Variants in CHN2 observed in about 807,000 individuals in gnomAD.
The protein encoded by CHN2 is beta-chimaerin.
A neutral mutation model predicts 56.3 loss-of-function variants in CHN2; 35 were observed. That is an observed-to-expected ratio of 0.62 (90% confidence interval 0.47 to 0.82). The LOEUF (loss-of-function observed/expected upper bound fraction) is 0.82. Ranked by LOEUF, CHN2 falls within the 40% of genes least tolerant of loss-of-function variation. CHN2 has a pLI of 0.00. For missense variants in CHN2, 491 were observed against 580.5 expected (o/e 0.85, Z 1.58); for synonymous variants, 210 against 212.8 (o/e 0.99, Z 0.12).
rs115329014 is a variant in CHN2, at chr7:29,241,712, C to T, written c.49+46722C>T. The stretch of plus-strand genomic sequence containing the variant: ...AGGGAGAGAGGGTAGGAGAGAGTGC[C>T]AGGTAGTAGGTCCTGAAGGAACTTG... On this transcript the variant is annotated intron_variant, in intron 1 of 12. Transcript: ENST00000222792. Among the ~76,000 whole-genome samples the T allele has an allele frequency of 6.7e-3, 1,019 of 152,026 alleles. 9 individuals carry two copies. Among genetic ancestry groups the T allele is most frequent in the African/African-American group, 0.022 (929 of 41,464 alleles).
chr7:29,252,578 G>GT lies in CHN2; in HGVS notation c.49+57616dup, dbSNP rs545289689. On this transcript the variant is annotated intron_variant, in intron 1 of 12. Transcript: ENST00000222792. The stretch of plus-strand genomic sequence containing the variant: ...CTGTTTGTCTAAAATTGCATTCTTT[G>GT]TTTTTTTTTTTTTTTTTTTTTTTTT... Among the ~76,000 whole-genome samples the GT allele has an allele frequency of 6.3e-3, 123 of 19,496 alleles. 45 individuals carry two copies. Among genetic ancestry groups the GT allele is most frequent in the African/African-American group, 8.0e-3 (26 of 3,248 alleles). The allele number at this position is 19,496 out of a possible 152,430, so 12.8% of individuals were successfully genotyped here.
At chr7:29,438,265 C>T (rs1028655255) in intron 6 of CHN2, among the ~76,000 whole-genome samples, 1 of 152,202 alleles carries the variant, frequency 6.6e-6, no homozygotes, top group African/African-American at 2.4e-5. Context: ...TTGAAATAAA[C>T]ACTATGCAGA....
intron 2 of CHN2, among the ~76,000 whole-genome samples, chr7:29,159,563 G>T (rs1292395659): frequency 6.6e-6 from 1 of 152,076 alleles, no homozygotes; most frequent in Non-Finnish European, 1.5e-5. Flanking sequence ...GTGATGAAAT[G>T]GGGTGGCTAA....
chr7:29,181,091 C>T (rs1798007809), intron 2 of CHN2, among the ~76,000 whole-genome samples: 1 of 152,148 alleles, frequency 6.6e-6, no homozygotes, highest in South Asian at 2.1e-4. Context: ...AATGGGAGGC[C>T]ATTTTTTCCT....
intron 12 of CHN2, 55 bp downstream of exon 12, chr7:29,509,461 T>C: frequency 1.5e-6 from 2 of 1,356,574 alleles, no homozygotes; most frequent in Non-Finnish European, 1.1e-6. Flanking sequence ...GGTTAATGCA[T>C]GAGGAAAAGT....
At chr7:29,172,273 G>A (rs1405859087) in intron 2 of CHN2, among the ~76,000 whole-genome samples, 3 of 152,200 alleles carry the variant, frequency 2.0e-5, no homozygotes, top group Non-Finnish European at 2.9e-5. Flanking sequence ...CATGGTTGCT[G>A]TGGGCATCAC....
chr7:29,404,653 G>T (rs1327708405), intron 6 of CHN2, among the ~76,000 whole-genome samples: 1 of 152,184 alleles, frequency 6.6e-6, no homozygotes, highest in Non-Finnish European at 1.5e-5. Flanking sequence ...ACCTAGCAGT[G>T]TGGTGTGTGG....
chr7:29,311,396 AC>A (rs2128886470), intron 1 of CHN2, among the ~76,000 whole-genome samples: 1 of 152,296 alleles, frequency 6.6e-6, no homozygotes, highest in African/African-American at 2.4e-5. Flanking sequence ...CTCTCACAGA[AC>A]CTTTTAATCT....
rs368919963 is a variant in CHN2, at chr7:29,435,991, G to A, written c.576+35163G>A. On this transcript the variant is annotated intron_variant, in intron 6 of 12. Transcript: ENST00000222792. ...CGGCCCAGAATTTTAACTAAGGTGT[G>A]GAATGAAGCAGTCTTCTCTCACTAG... Among the ~76,000 whole-genome samples the A allele has an allele frequency of 1.6e-4, 24 of 151,132 alleles. No individual in the cohort carries two copies. In the South Asian group the frequency reaches 5.0e-3, roughly 32 times the overall value.
chr7:29,288,922 ATCGT>A (rs2128867480), intron 1 of CHN2: 1 of 152,362 alleles, frequency 6.6e-6, no homozygotes, highest in African/African-American at 2.4e-5. Flanking sequence ...GACACGCTTC[ATCGT>A]GCCAACTCAA....
chr7:29,177,824 A>G (rs1691807236), intron 2 of CHN2, among the ~76,000 whole-genome samples: 1 of 151,764 alleles, frequency 6.6e-6, no homozygotes, highest in South Asian at 2.1e-4. Flanking sequence ...TTATAACCAA[A>G]ATCTTTTTTT....
intron 6 of CHN2, among the ~76,000 whole-genome samples, chr7:29,472,978 G>C (rs1189598608): frequency 2.6e-5 from 4 of 152,194 alleles, no homozygotes; most frequent in Non-Finnish European, 5.9e-5. Context: ...AGGCTAGTGA[G>C]GGCCCTAGGT....
intron 1 of CHN2, among the ~76,000 whole-genome samples, chr7:29,233,997 C>A (rs1458599789): frequency 6.7e-6 from 1 of 150,174 alleles, no homozygotes; most frequent in Non-Finnish European, 1.5e-5. Context: ...CCACGCCCGG[C>A]TAATTTTTTG....
At chr7:29,429,158 G>A (rs1805162814) in intron 6 of CHN2, among the ~76,000 whole-genome samples, 1 of 152,154 alleles carries the variant, frequency 6.6e-6, no homozygotes, top group Non-Finnish European at 1.5e-5. Context: ...CAAGTATCTT[G>A]TTTAGTGTTC....
chr7:29,429,767 T>A (rs946757006), intron 6 of CHN2, among the ~76,000 whole-genome samples: 1 of 152,248 alleles, frequency 6.6e-6, no homozygotes, highest in African/African-American at 2.4e-5. Context: ...TGTGACTAGA[T>A]TAATTTTAGA....
At chr7:29,150,788 A>G (rs557131786) in intron 2 of CHN2, among the ~76,000 whole-genome samples, 60 of 152,300 alleles carry the variant, frequency 3.9e-4, no homozygotes, top group African/African-American at 7.9e-4. Context: ...CTGATCTTCA[A>G]TGGGGCCACC....
At chr7:29,344,144 T>C (rs1217011728) in intron 1 of CHN2, among the ~76,000 whole-genome samples, 1 of 152,152 alleles carries the variant, frequency 6.6e-6, no homozygotes, top group Non-Finnish European at 1.5e-5. Context: ...TTCAAGTCCA[T>C]CCCATTTTCT....
At chr7:29,364,665 A>G (rs1027923913) in intron 2 of CHN2, among the ~76,000 whole-genome samples, 8 of 152,202 alleles carry the variant, frequency 5.3e-5, no homozygotes, top group African/African-American at 1.7e-4. Flanking sequence ...AGCCAGAGGA[A>G]TGTCTACAAC....
At chr7:29,329,173 G>T (rs1042380127) in intron 1 of CHN2, among the ~76,000 whole-genome samples, 9 of 151,916 alleles carry the variant, frequency 5.9e-5, no homozygotes, top group Non-Finnish European at 1.3e-4. Flanking sequence ...AGGAAAAAGA[G>T]ACTCCCTCCT....
Sources: gnomAD v4.1 joint callset for allele counts (sites outside exome capture counted in the v4.1 genomes callset) on GRCh38, gnomAD v4.1.1 for gene constraint, MANE v1.5 for transcripts, NCBI Gene and HGNC (gene_info 2026-07-23, HGNC 2026-07-21) for gene names.